PDGFD: variants seen among roughly 807,000 people sequenced by gnomAD.
PDGFD encodes platelet-derived growth factor D.
Under a neutral mutation model 44.7 loss-of-function variants are expected in PDGFD, and 30 were observed. The observed-to-expected ratio is 0.67, with a 90% CI of 0.50 to 0.91. PDGFD has a LOEUF of 0.91. Ranked by LOEUF, PDGFD falls within the 40% of genes least tolerant of loss-of-function variation. The pLI, the probability that PDGFD is intolerant of heterozygous loss-of-function variation, is 0.00. For missense variants in PDGFD, 445 were observed against 457.8 expected (o/e 0.97, Z 0.25); for synonymous variants, 173 against 168.4 (o/e 1.03, Z -0.21).
intron 6 of PDGFD, among the ~76,000 whole-genome samples, chr11:103,913,218 A>G (rs10895539): frequency 0.46 from 69,573 of 151,908 alleles, 16,045 homozygotes; most frequent in South Asian, 0.49. Flanking sequence ...GCATCACATT[A>G]CACCTATTTT....
chr11:103,932,715 T>A (rs974679223), intron 5 of PDGFD, among the ~76,000 whole-genome samples: 1 of 152,184 alleles, frequency 6.6e-6, no homozygotes, highest in Non-Finnish European at 1.5e-5. Context: ...TGTGCCAGAT[T>A]CCCTTTGCAA....
chr11:103,936,663 T>C (rs1411068093), intron 5 of PDGFD, among the ~76,000 whole-genome samples: 1 of 152,170 alleles, frequency 6.6e-6, no homozygotes, highest in Non-Finnish European at 1.5e-5. Context: ...AGAATTGGTA[T>C]TAGATCCTTG....
intron 3 of PDGFD, among the ~76,000 whole-genome samples, chr11:103,966,947 A>T (rs540243812): frequency 6.6e-6 from 1 of 152,142 alleles, no homozygotes; most frequent in South Asian, 2.1e-4. Context: ...GAGAGCTCAC[A>T]CTCTGAAAAC....
chr11:103,937,697 T>G (rs1858513765), intron 5 of PDGFD, among the ~76,000 whole-genome samples: 1 of 97,936 alleles, frequency 1.0e-5, no homozygotes, highest in Non-Finnish European at 2.0e-5. Context: ...ATGCTATCCC[T>G]CCCCCCTCCC....
chr11:104,069,855 G>C (rs1486524033), intron 1 of PDGFD, among the ~76,000 whole-genome samples: 1 of 152,080 alleles, frequency 6.6e-6, no homozygotes, highest in African/African-American at 2.4e-5. Context: ...GCGAGACTCC[G>C]TCTCAAAAGA....
chr11:104,090,671 A>C (rs1591158852), intron 1 of PDGFD, among the ~76,000 whole-genome samples: 1 of 152,104 alleles, frequency 6.6e-6, no homozygotes, highest in African/African-American at 2.4e-5. Flanking sequence ...GCACTGTGGA[A>C]AAATATGCCA....
intron 3 of PDGFD, among the ~76,000 whole-genome samples, chr11:103,979,531 A>T (rs1163764020): frequency 1.3e-5 from 2 of 152,202 alleles, no homozygotes; most frequent in East Asian, 3.9e-4. Context: ...TTTCGTTGGG[A>T]CCTGCCATGG....
intron 3 of PDGFD, among the ~76,000 whole-genome samples, chr11:103,964,387 C>T (rs1352082220): frequency 6.6e-6 from 1 of 152,122 alleles, no homozygotes; most frequent in Admixed American, 6.6e-5. Context: ...GCAGCATAAC[C>T]TAGCAAACTA....
intron 3 of PDGFD, among the ~76,000 whole-genome samples, chr11:103,969,749 T>A (rs1010478517): frequency 6.6e-6 from 1 of 151,836 alleles, no homozygotes; most frequent in Non-Finnish European, 1.5e-5. Flanking sequence ...TTGGCTTAAT[T>A]TAGGGATGAA....
At chr11:103,943,046 T>A (rs1858610794) in intron 5 of PDGFD, among the ~76,000 whole-genome samples, 1 of 152,130 alleles carries the variant, frequency 6.6e-6, no homozygotes, top group Non-Finnish European at 1.5e-5. Context: ...AAACACAGTT[T>A]GGGCAAAATG....
intron 1 of PDGFD, among the ~76,000 whole-genome samples, chr11:104,100,502 C>G (rs1183152268): frequency 6.6e-6 from 1 of 152,072 alleles, no homozygotes; most frequent in Non-Finnish European, 1.5e-5. Context: ...AGTCCAGGAC[C>G]AGATGGATTC....
chr11:104,065,899 A>AT (rs1194980480), intron 1 of PDGFD, among the ~76,000 whole-genome samples: 3 of 152,212 alleles, frequency 2.0e-5, no homozygotes, highest in Non-Finnish European at 4.4e-5. Flanking sequence ...TACTGATGGC[A>AT]TGAGGAAAAT....
intron 1 of PDGFD, among the ~76,000 whole-genome samples, chr11:104,015,614 C>T (rs1412481110): frequency 6.6e-6 from 1 of 152,024 alleles, no homozygotes; most frequent in Admixed American, 6.6e-5. Context: ...GATTTTCTAG[C>T]CTACATATGT....
chr11:104,129,962 T>C (rs1315537391), intron 1 of PDGFD, among the ~76,000 whole-genome samples: 2 of 144,834 alleles, frequency 1.4e-5, no homozygotes, highest in African/African-American at 2.6e-5. Context: ...TGAGCCAAGA[T>C]TGCACCAATG....
intron 1 of PDGFD, among the ~76,000 whole-genome samples, chr11:104,083,792 C>T (rs993183659): frequency 1.3e-5 from 2 of 152,198 alleles, no homozygotes; most frequent in Non-Finnish European, 2.9e-5. Context: ...ACTGGCAAGT[C>T]GGTGCATCCC....
At chr11:104,146,975 T>A (rs547555951) in intron 1 of PDGFD, among the ~76,000 whole-genome samples, 2 of 150,636 alleles carry the variant, frequency 1.3e-5, no homozygotes, top group African/African-American at 4.9e-5. Context: ...TAAGTGAGCT[T>A]GGTACACACC....
chr11:103,940,359 C>G (rs370618345), intron 5 of PDGFD, among the ~76,000 whole-genome samples: 3 of 152,000 alleles, frequency 2.0e-5, no homozygotes, highest in Admixed American at 6.6e-5. Flanking sequence ...ATGAAAAATA[C>G]CACTTTCCAT....
intron 1 of PDGFD, among the ~76,000 whole-genome samples, chr11:104,072,751 A>G (rs1356503571): frequency 3.3e-5 from 5 of 151,944 alleles, no homozygotes; most frequent in African/African-American, 1.2e-4. Flanking sequence ...ACTAATTTCT[A>G]TTTTGAGTTT....
At chr11:103,950,703 T>C (rs1302191573) in intron 3 of PDGFD, among the ~76,000 whole-genome samples, 2 of 152,186 alleles carry the variant, frequency 1.3e-5, no homozygotes, top group Non-Finnish European at 2.9e-5. Context: ...ACTGTGTGGT[T>C]GGTGACCTTC....
Sources: allele counts gnomAD v4.1 joint callset (sites outside exome capture counted in the v4.1 genomes callset), GRCh38; gene constraint gnomAD v4.1.1; transcripts MANE v1.5; gene names NCBI Gene and HGNC (gene_info 2026-07-23, HGNC 2026-07-21).